Variants in PHACTR1 observed in about 807,000 individuals in gnomAD.
The protein encoded by PHACTR1 is RPEL repeat containing 1.
PHACTR1 carries 16 observed loss-of-function variants against 69.2 expected under a neutral mutation model. The ratio of observed to expected loss-of-function variants is 0.23; its 90% CI spans 0.16 to 0.35. The LOEUF is 0.35. Among genes scored for constraint, PHACTR1 ranks in the 10% least tolerant of loss-of-function variants. The pLI is 1.00. For missense variants in PHACTR1, 510 were observed against 734.7 expected, an observed-to-expected ratio of 0.69 and a Z score of 3.54; for synonymous variants, 312 against 284.5, an observed-to-expected ratio of 1.10 and a Z score of -0.97.
intron 11 of PHACTR1, chr6:13,274,002 CT>C (rs1778344214): frequency 6.8e-6 from 1 of 147,596 alleles, no homozygotes; most frequent in Non-Finnish European, 1.5e-5. Context: ...ATATTCTTGA[CT>C]TTACCTTTCT....
At chr6:12,978,645 A>G (rs1167801050) in intron 4 of PHACTR1, among the ~76,000 whole-genome samples, 1 of 152,120 alleles carries the variant, frequency 6.6e-6, no homozygotes, top group Non-Finnish European at 1.5e-5. Flanking sequence ...CCCACCTACA[A>G]AGCTTGACAA....
intron 5 of PHACTR1, among the ~76,000 whole-genome samples, chr6:13,142,138 G>A (rs1822578429): frequency 6.6e-6 from 1 of 152,130 alleles, no homozygotes; most frequent in African/African-American, 2.4e-5. Flanking sequence ...AAAAGCAGTT[G>A]AAAGAAATTT....
At chr6:13,194,273 C>G (rs944888082) in intron 7 of PHACTR1, among the ~76,000 whole-genome samples, 2 of 151,754 alleles carry the variant, frequency 1.3e-5, no homozygotes, top group African/African-American at 4.8e-5. Context: ...CGTGGTGGCG[C>G]GTGCCTGTAG....
At chr6:13,261,578 A>G (rs185922975) in intron 10 of PHACTR1, among the ~76,000 whole-genome samples, 1 of 152,352 alleles carries the variant, frequency 6.6e-6, no homozygotes, top group Non-Finnish European at 1.5e-5. Context: ...TGTTCTGTGC[A>G]CCTGCTCAGA....
intron 10 of PHACTR1, chr6:13,252,994 T>C (rs1281970286): frequency 4.4e-6 from 2 of 453,320 alleles, no homozygotes; most frequent in Non-Finnish European, 8.9e-6. Context: ...TGAGTTGTTA[T>C]TGTTTCCAGA....
chr6:12,912,141 G>T (rs941763197), intron 4 of PHACTR1, among the ~76,000 whole-genome samples: 3 of 152,156 alleles, frequency 2.0e-5, no homozygotes, highest in African/African-American at 7.2e-5. Flanking sequence ...GGAATTACAG[G>T]CATGCACCAC....
chr6:12,937,971 A>C (rs1210495539), intron 4 of PHACTR1, among the ~76,000 whole-genome samples: 1 of 152,056 alleles, frequency 6.6e-6, no homozygotes, highest in Non-Finnish European at 1.5e-5. Context: ...ATGGTAGCAC[A>C]TGCCTGTAAT....
chr6:13,124,573 CAT>C (rs1228557653), intron 5 of PHACTR1, among the ~76,000 whole-genome samples: 2 of 152,150 alleles, frequency 1.3e-5, no homozygotes, highest in Non-Finnish European at 2.9e-5. Context: ...TTGTTTCATT[CAT>C]ATCTCTAAAG....
intron 4 of PHACTR1, among the ~76,000 whole-genome samples, chr6:12,929,885 G>A (rs1788682999): frequency 6.6e-6 from 1 of 152,108 alleles, no homozygotes; most frequent in Non-Finnish European, 1.5e-5. Flanking sequence ...CGTAACCATT[G>A]TTTTAAGATG....
intron 5 of PHACTR1, among the ~76,000 whole-genome samples, chr6:13,054,874 C>T (rs1237306125): frequency 6.6e-6 from 1 of 152,172 alleles, no homozygotes; most frequent in Non-Finnish European, 1.5e-5. Flanking sequence ...GTTTTCATTT[C>T]CTTCTTCCCT....
chr6:13,021,629 A>G (rs761266472), intron 4 of PHACTR1, among the ~76,000 whole-genome samples: 1 of 152,156 alleles, frequency 6.6e-6, no homozygotes, highest in Non-Finnish European at 1.5e-5. Flanking sequence ...GCCCCATTTT[A>G]CATCCCCCCA....
At chr6:12,731,278 T>C (rs1763494890) in intron 3 of PHACTR1, among the ~76,000 whole-genome samples, 1 of 152,144 alleles carries the variant, frequency 6.6e-6, no homozygotes. Flanking sequence ...CTTCCCAAAG[T>C]GCTGGGATTA....
Position 13,246,409 on chromosome 6 carries a change from A to G in PHACTR1, c.1391+16216A>G, listed in dbSNP as rs1773590921. ...ATGTGCGAGCGAAAGATGTTTCCCT[A>G]CCTGGATGGCTGATGGTTCATTACA... is the stretch of plus-strand genomic sequence containing the variant. On this transcript the variant is annotated intron_variant, in intron 10 of 14. Transcript: ENST00000332995. The surrounding 1 kb of genome is among the most constrained non-coding windows in gnomAD (Gnocchi z 4.2). Among the ~76,000 whole-genome samples the G allele has an allele frequency of 1.3e-5, 2 of 152,194 alleles. No homozygotes were observed. The highest frequency in any genetic ancestry group is 4.8e-5 in the African/African-American group (2 of 41,432).
At chr6:13,152,538 G>A (rs1291821181) in intron 5 of PHACTR1, among the ~76,000 whole-genome samples, 1 of 152,174 alleles carries the variant, frequency 6.6e-6, no homozygotes, top group African/African-American at 2.4e-5. Context: ...GTTAGTAGAG[G>A]TGGTCTTTGG....
chr6:12,952,145 A>G (rs1791376741), intron 4 of PHACTR1, among the ~76,000 whole-genome samples: 1 of 152,202 alleles, frequency 6.6e-6, no homozygotes, highest in African/African-American at 2.4e-5. Context: ...GAGATTTCTC[A>G]TATACCTCCT....
intron 5 of PHACTR1, among the ~76,000 whole-genome samples, chr6:13,064,068 A>G (rs969562550): frequency 6.6e-6 from 1 of 152,236 alleles, no homozygotes; most frequent in Non-Finnish European, 1.5e-5. Context: ...GAGAAAATTT[A>G]CTTGTGATAG....
chr6:13,171,876 C>T (rs996186166), intron 6 of PHACTR1, among the ~76,000 whole-genome samples: 1 of 152,186 alleles, frequency 6.6e-6, no homozygotes, highest in African/African-American at 2.4e-5. Flanking sequence ...AAGTGATTCT[C>T]CTGCCTCAGC....
At chr6:12,843,097 G>T (rs1307922452) in intron 4 of PHACTR1, among the ~76,000 whole-genome samples, 1 of 152,090 alleles carries the variant, frequency 6.6e-6, no homozygotes, top group Non-Finnish European at 1.5e-5. Flanking sequence ...CTTAATGTGG[G>T]AACTAGGACT....
intron 4 of PHACTR1, among the ~76,000 whole-genome samples, chr6:13,000,156 T>G (rs1368091269): frequency 6.6e-6 from 1 of 152,120 alleles, no homozygotes; most frequent in East Asian, 1.9e-4. Context: ...CAGAAAGATA[T>G]GAAGAAAGGG....
Sources: gnomAD v4.1 joint callset for allele counts (sites outside exome capture counted in the v4.1 genomes callset) on GRCh38, gnomAD v4.1.1 for gene constraint, Gnocchi (gnomAD v3.1) non-coding constraint, MANE v1.5 for transcripts, NCBI Gene and HGNC (gene_info 2026-07-23, HGNC 2026-07-21) for gene names.